BRINP2: variants seen among roughly 807,000 people sequenced by gnomAD.
BRINP2 encodes BMP/retinoic acid inducible neural specific 2, also known as BMP/retinoic acid-inducible neural-specific protein 2.
A neutral mutation model predicts 69.2 loss-of-function variants in BRINP2; 21 were observed. That is an observed-to-expected ratio of 0.30 (90% CI 0.22 to 0.44). The LOEUF is 0.44. BRINP2 is among the 20% of genes least tolerant of loss of function. The pLI is 1.00. For missense variants in BRINP2, 877 were observed against 986.0 expected (o/e 0.89, Z 1.48); for synonymous variants, 380 against 394.1 (o/e 0.96, Z 0.42).
At chr1:177,221,474 C>T (rs1436274327) in intron 1 of BRINP2, among the ~76,000 whole-genome samples, 2 of 152,170 alleles carry the variant, frequency 1.3e-5, no homozygotes, top group African/African-American at 2.4e-5. Flanking sequence ...CTTTAAATAA[C>T]GTATTGCACT....
Position 177,280,785 on chromosome 1 carries a change from C to A in BRINP2, c.1609C>A (p.Arg537=). 1.9e-6 allele frequency: 3 copies of A among 1,613,970 alleles called. No homozygotes were observed. Among genetic ancestry groups the A allele is most frequent in the East Asian group, 2.2e-5 (1 of 44,866 alleles). ...CTCCATCTTCATCAGCAATGACATG[C>A]GGCTGGGCAGCTGGTTTGACCCTTC... is the stretch of plus-strand genomic sequence containing the variant. ...VHSIFISNDM[R]LGSWFDPSWR... is the part of the protein sequence containing the mutation. Residue 537 remains arginine, a synonymous_variant, in exon 8 of 8, where the codon CGG becomes AGG. Coordinates refer to ENST00000361539, the MANE Select transcript of BRINP2 (RefSeq NM_021165.4).
intron 2 of BRINP2, among the ~76,000 whole-genome samples, chr1:177,248,435 TTGTGTGTGTGTGTGTGTGTGCGTGCG>T (rs1650457751): frequency 6.8e-6 from 1 of 147,300 alleles, no homozygotes; most frequent in African/African-American, 2.5e-5. Context: ...GAGGTACAGT[TTGTGTGTGTGTGTGTGTGTGCGTGCG>T]TGTGTGTGTG....
At position 177,280,492 on chromosome 1, in the gene BRINP2, A is replaced by G; in HGVS notation, c.1316A>G (p.Gln439Arg). The change falls in exon 8 of 8, where the codon CAG becomes CGG. Residue 439 changes from glutamine (Q) to arginine (R), a missense_variant. Around this residue, in one of 3 missense-constraint regions of BRINP2, gnomAD observed 566 missense variants for 625.2 expected, o/e 0.91. Transcript: ENST00000361539. ...ACCTTTCCTGGCACTTTCCTGGAAC[A>G]GAGCCACAGCTGCACCTGCCCCTAT... is the stretch of plus-strand genomic sequence containing the variant. ...ESTFPGTFLE[Q>R]SHSCTCPYDQ... 2 of 1,614,216 alleles carry G rather than the reference A, an allele frequency of 1.2e-6. No homozygotes were observed. The highest frequency in any genetic ancestry group is 2.7e-5 in the African/African-American group (2 of 75,066).
chr1:177,179,478 T>C (rs1255950616), intron 1 of BRINP2, among the ~76,000 whole-genome samples: 3 of 152,112 alleles, frequency 2.0e-5, no homozygotes, highest in African/African-American at 7.2e-5. Context: ...CTATCCCCTA[T>C]CAATCTATTT....
chr1:177,226,213 A>G (rs560958757), intron 1 of BRINP2, among the ~76,000 whole-genome samples: 6 of 152,344 alleles, frequency 3.9e-5, no homozygotes, highest in Admixed American at 3.3e-4. Context: ...CAGTGCACCA[A>G]GGGGTGAAGT....
chr1:177,178,039 T>A (rs1648141215), intron 1 of BRINP2, among the ~76,000 whole-genome samples: 1 of 152,166 alleles, frequency 6.6e-6, no homozygotes, highest in Non-Finnish European at 1.5e-5. Context: ...GGCTCTGCTT[T>A]CTCTCACACT....
chr1:177,176,004 T>C (rs7534953), intron 1 of BRINP2, among the ~76,000 whole-genome samples: 23,880 of 152,204 alleles, frequency 0.16, 3,820 homozygotes, highest in African/African-American at 0.41. Context: ...CTGGGGACTA[T>C]GGTGAACCAA....
intron 2 of BRINP2, among the ~76,000 whole-genome samples, chr1:177,248,179 G>C (rs181102958): frequency 1.3e-5 from 2 of 152,276 alleles, no homozygotes; most frequent in East Asian, 3.9e-4. Context: ...ATTACAGGTT[G>C]AGTATCACTT....
chr1:177,179,334 A>G (rs1275881376), intron 1 of BRINP2, among the ~76,000 whole-genome samples: 3 of 152,186 alleles, frequency 2.0e-5, no homozygotes, highest in Non-Finnish European at 4.4e-5. Flanking sequence ...CTGGGAATCT[A>G]AAGAGGAGAA....
intron 1 of BRINP2, among the ~76,000 whole-genome samples, chr1:177,206,549 A>T (rs1452858254): frequency 6.6e-6 from 1 of 152,164 alleles, no homozygotes; most frequent in Non-Finnish European, 1.5e-5. Context: ...TTTATAGCTA[A>T]ATCTTACGTG....
chr1:177,239,581 G>T (rs1324791080), intron 2 of BRINP2, among the ~76,000 whole-genome samples: 1 of 152,180 alleles, frequency 6.6e-6, no homozygotes, highest in Non-Finnish European at 1.5e-5. Flanking sequence ...ATATTTCAGG[G>T]AGTATTTTCA....
chr1:177,273,217 C>T (rs764292992), intron 4 of BRINP2, among the ~76,000 whole-genome samples: 36 of 152,290 alleles, frequency 2.4e-4, no homozygotes, highest in Admixed American at 1.5e-3. Flanking sequence ...CAGCATTCTC[C>T]GCCTTTCCAG....
intron 1 of BRINP2, among the ~76,000 whole-genome samples, chr1:177,206,452 C>T (rs1247115233): frequency 1.3e-5 from 2 of 152,214 alleles, no homozygotes; most frequent in African/African-American, 4.8e-5. Flanking sequence ...CAACTAACAT[C>T]CTTGTAGCTG....
chr1:177,271,722 C>G (rs1297008542), intron 4 of BRINP2, among the ~76,000 whole-genome samples: 2 of 152,192 alleles, frequency 1.3e-5, no homozygotes, highest in Non-Finnish European at 2.9e-5. Context: ...CTCTCATGCT[C>G]TGTGTCTATT....
At chr1:177,208,750 A>T (rs2102309189) in intron 1 of BRINP2, among the ~76,000 whole-genome samples, 1 of 152,314 alleles carries the variant, frequency 6.6e-6, no homozygotes, top group Admixed American at 6.5e-5. Context: ...TAGGAGTGAC[A>T]CTGACGTGTT....
chr1:177,262,139 G>C (rs1301048595), intron 4 of BRINP2, among the ~76,000 whole-genome samples: 2 of 152,216 alleles, frequency 1.3e-5, no homozygotes, highest in African/African-American at 4.8e-5. Context: ...AGTGATAACT[G>C]GGGAGCGATG....
chr1:177,180,575 G>C (rs1648216324), intron 1 of BRINP2, among the ~76,000 whole-genome samples: 1 of 152,136 alleles, frequency 6.6e-6, no homozygotes, highest in East Asian at 1.9e-4. Flanking sequence ...TCTCAAAAAA[G>C]CAGTGGAAGA....
rs781642241 is a variant in BRINP2, at chr1:177,280,587, C to A, written c.1411C>A (p.Pro471Thr). 5.0e-6 allele frequency: 8 copies of A among 1,614,004 alleles called. No homozygotes were observed. Among genetic ancestry groups the A allele is most frequent in the Non-Finnish European group, 6.8e-6 (8 of 1,180,016 alleles). ...AGGGCCCGCGTGTGCCCACTGTGCT[C>A]CAGACAATAGCACACGCTGTGGGAG... Reference protein sequence around the residue: ...GEGPACAHCAPDNSTRCGSCN... With the variant: ...GEGPACAHCATDNSTRCGSCN... Residue 471 changes from proline to threonine, a missense_variant, in exon 8 of 8, where the codon CCA becomes ACA. Physicochemically the swap from Pro to Thr is conservative, Grantham distance 38. Around this residue, in one of 3 missense-constraint regions of BRINP2, gnomAD observed 566 missense variants for 625.2 expected, o/e 0.91. Coordinates refer to ENST00000361539, the MANE Select transcript of BRINP2 (RefSeq NM_021165.4).
chr1:177,240,034 A>G (rs1571923358), intron 2 of BRINP2, among the ~76,000 whole-genome samples: 1 of 152,196 alleles, frequency 6.6e-6, no homozygotes, highest in Non-Finnish European at 1.5e-5. Context: ...CTGGCTGGGC[A>G]GGAGGCCTGA....
Sources: gnomAD v4.1 joint callset for allele counts (sites outside exome capture counted in the v4.1 genomes callset) on GRCh38, gnomAD v4.1.1 for gene constraint, gnomAD v4.1.1 regional missense constraint, MANE v1.5 for transcripts, NCBI Gene and HGNC (gene_info 2026-07-23, HGNC 2026-07-21) for gene names.